The following OPLAH variants were observed in gnomAD, a reference collection of about 807,000 sequenced individuals.
OPLAH encodes the protein 5-oxoprolinase.
OPLAH carries 103 observed loss-of-function variants against 122.8 expected under a neutral mutation model. The ratio of observed to expected loss-of-function variants is 0.84; its 90% CI spans 0.71 to 0.99. The LOEUF (loss-of-function observed/expected upper bound fraction) is 0.99, where lower values mean the gene tolerates loss of function less well. Ranked by LOEUF, OPLAH falls within the 50% of genes least tolerant of loss-of-function variation. OPLAH has a pLI of 0.00. For synonymous variants in OPLAH, 875 were observed against 796.0 expected (o/e 1.10, Z -1.67); for missense variants, 1,902 against 1,836.5 (o/e 1.04, Z -0.65).
chr8:144,051,695 A>C, intron 26 of OPLAH, 34 bp downstream of exon 26: 6 of 1,384,374 alleles, frequency 4.3e-6, no homozygotes, highest in Non-Finnish European at 5.9e-6. Context: ...AGGGGAGGGG[A>C]GGGGAGGGGG....
intron 11 of OPLAH, 44 bp from the exon 12 acceptor site, chr8:144,057,162 C>A: frequency 6.3e-7 from 1 of 1,597,404 alleles, no homozygotes; most frequent in Non-Finnish European, 8.5e-7. Context: ...ACCTCCCAAG[C>A]CCGGCGCAGA....
Position 144,055,733 on chromosome 8 carries a change from C to A in OPLAH, c.2248+55G>T. On this transcript the variant is annotated intron_variant, in intron 16 of 26. Coordinates refer to ENST00000618853, the MANE Select transcript of OPLAH (RefSeq NM_017570.5). This position sits in a 1 kb window ranked among gnomAD's most constrained non-coding sequence, Gnocchi z 6.5. ...CCTTTGGGCACAGCCCTGCCAGCTA[C>A]CCCATGACACAGCCGGCGCCTCATC... 2.8e-6 allele frequency: 4 copies of A among 1,441,512 alleles called. No homozygotes were observed. Among genetic ancestry groups the A allele is most frequent in the South Asian group, 1.5e-5 (1 of 67,948 alleles). 89.3% of individuals were successfully genotyped at this position (1,441,512 alleles called of 1,614,324 possible).
Position 144,056,935 on chromosome 8 carries a change from C to A in OPLAH, c.1706+13G>T. 6.4e-7 allele frequency: 1 copy of A among 1,563,250 alleles called. No homozygotes were observed. The highest frequency in any genetic ancestry group is 8.6e-7 in the Non-Finnish European group (1 of 1,157,756). ...AACGTAAGCCCTCTGTCCAGGGCACCCTGGGAGCCCACCTGGGGAAGCCCT... is the reference window on the plus strand; with the variant it reads ...AACGTAAGCCCTCTGTCCAGGGCACACTGGGAGCCCACCTGGGGAAGCCCT... On this transcript the variant is annotated intron_variant, in intron 12 of 26. Transcript: ENST00000618853.
upstream of OPLAH, among the ~76,000 whole-genome samples, chr8:144,061,150 C>T (rs1379142105): frequency 6.6e-6 from 1 of 152,228 alleles, no homozygotes; most frequent in African/African-American, 2.4e-5. Context: ...CATCTCCAGC[C>T]CTCCTTGTGC....
chr8:144,058,396 C>T lies in OPLAH; in HGVS notation c.792G>A (p.Gln264=). 3 of 1,589,566 alleles carry T rather than the reference C, an allele frequency of 1.9e-6. No homozygotes were observed. Among genetic ancestry groups the T allele is most frequent in the African/African-American group, 2.7e-5 (2 of 74,690 alleles). ...RGFQGQLKDV[Q]VLFMRSDGGL... Reference sequence around the variant, plus strand: ...CGCCATCGGAGCGCATGAACAACACCTGCACATCCTGCGAGCGGGCAGCAG... The same window carrying T: ...CGCCATCGGAGCGCATGAACAACACTTGCACATCCTGCGAGCGGGCAGCAG... Residue 264 remains glutamine, a synonymous_variant, in exon 7 of 27, where the codon CAG becomes CAA. Transcript: ENST00000618853.
downstream of OPLAH, chr8:144,050,984 C>G: frequency 9.3e-7 from 1 of 1,080,378 alleles, no homozygotes; most frequent in Non-Finnish European, 1.1e-6. Context: ...ACCTGGCCGG[C>G]CTTCCCGGCA....
chr8:144,061,643 C>G (rs147989649), upstream of OPLAH, among the ~76,000 whole-genome samples: 1,056 of 152,366 alleles, frequency 6.9e-3, 9 homozygotes, highest in Non-Finnish European at 0.012. Flanking sequence ...GCCACAGCAA[C>G]GGCACGAAGT....
In OPLAH at chr8:144,055,121, A is replaced by G; in HGVS notation, c.2317T>C (p.Cys773Arg). The G allele has an allele frequency of 6.3e-7, 1 of 1,589,206 alleles. No homozygotes were observed. Among genetic ancestry groups the G allele is most frequent in the Non-Finnish European group, 8.6e-7 (1 of 1,167,954 alleles). Residue 773 changes from cysteine (C) to arginine (R), a missense_variant, in exon 17 of 27, where the codon TGT (cysteine) becomes CGT (arginine). By Grantham distance (180) the Cys-to-Arg change is radical (BLOSUM62 -3). Around this residue, in one of 3 missense-constraint regions of OPLAH, gnomAD observed 1,726 missense variants for 1,642.1 expected, o/e 1.05. Coordinates refer to ENST00000618853, the MANE Select transcript of OPLAH (RefSeq NM_017570.5). The surrounding 1 kb of genome is among the most constrained non-coding windows in gnomAD (Gnocchi z 6.5). ...TNIKERLDFS[C>R]ALFGPDGGLV... ...CCCCCATCGGGCCCAAAGAGGGCAC[A>G]GGAGAAGTCCAGACGCTCCTTGATG...
In OPLAH at chr8:144,056,366, C is replaced by T. The variant is rs2129798894; in HGVS notation, c.1983+19G>A. 1.3e-6 allele frequency: 2 copies of T among 1,597,946 alleles called. No homozygotes were observed. Among genetic ancestry groups the T allele is most frequent in the Admixed American group, 1.7e-5 (1 of 58,680 alleles). On this transcript the variant is annotated intron_variant, in intron 14 of 26. Coordinates refer to ENST00000618853, the MANE Select transcript of OPLAH (RefSeq NM_017570.5). ...TGCCCCATGGGTGCTGTCAGGCTGG[C>T]ACAGGCAGGACCACCAACCTTGTCC...
At chr8:144,051,870 T>TGGGGGC (rs1554757736) in intron 25 of OPLAH, 44 bp from the exon 26 acceptor site, 17 of 114,386 alleles carry the variant, frequency 1.5e-4, no homozygotes, top group South Asian at 2.0e-4. Flanking sequence ...GGGGCGGGGG[T>TGGGGGC]GGGGGCGGGG....
upstream of OPLAH, among the ~76,000 whole-genome samples, chr8:144,062,972 C>A (rs1554761141): frequency 6.6e-6 from 1 of 152,022 alleles, no homozygotes; most frequent in African/African-American, 2.4e-5. Context: ...CCAACCCCCA[C>A]CCACCCAGGC....
rs782391729 is a variant in OPLAH at position 144,058,676 on chromosome 8, C to T, written c.603G>A (p.Glu201=). Residue 201 remains glutamate, a synonymous_variant, in exon 6 of 27, where the codon GAG becomes GAA. Coordinates refer to ENST00000618853, the MANE Select transcript of OPLAH (RefSeq NM_017570.5). ...CCCGGGCCAGCACACCCACCTGCTG[C>T]TCATGCTGGGCCCACCTATGACAAA... is the stretch of plus-strand genomic sequence containing the variant. ...LMHSYTWAQH[E]QQVGVLAREL... The T allele has an allele frequency of 6.3e-7, 1 of 1,591,296 alleles. No homozygotes were observed. Among genetic ancestry groups the T allele is most frequent in the Admixed American group, 1.7e-5 (1 of 58,562 alleles).
In OPLAH at chr8:144,058,590, G is replaced by T. The variant is rs782395404; in HGVS notation, c.689C>A (p.Pro230His). ...SEAMPMVRIV[P>H]RGHTACADAY... is the part of the protein sequence containing the mutation. The stretch of plus-strand genomic sequence containing the variant: ...GTCGGCACAGGCCGTGTGCCCCCGA[G>T]GGACGATGCGCACCATGGGCATGGC... Residue 230 changes from proline to histidine, a missense_variant, in exon 6 of 27, where the codon CCT (proline) becomes CAT (histidine). Physicochemically the swap from Pro to His is moderately conservative, Grantham distance 77. Transcript: ENST00000618853. 1.9e-6 allele frequency: 3 copies of T among 1,602,924 alleles called. No individual in the cohort carries two copies. In the East Asian group the frequency reaches 6.7e-5, roughly 36 times the overall value.
Position 144,057,582 on chromosome 8 carries a change from C to T in OPLAH, c.1288G>A (p.Val430Met), listed in dbSNP as rs557374642. Residue 430 changes from valine to methionine, a missense_variant, in exon 10 of 27, where the codon GTG becomes ATG. Val to Met is a conservative substitution (Grantham distance 21, BLOSUM62 1). Around this residue, in one of 3 missense-constraint regions of OPLAH, gnomAD observed 1,726 missense variants for 1,642.1 expected, o/e 1.05. Transcript: ENST00000618853. The stretch of plus-strand genomic sequence containing the variant: ...AGGAAGCTGTTGACCTCAGTGGCCA[C>T]AGCCTCCAGGGCTTTGCGGGAGGCC... ...PEASRKALEAVATEVNSFLTN... is the reference protein window; with the variant it reads ...PEASRKALEAMATEVNSFLTN... The T allele has an allele frequency of 1.1e-5, 18 of 1,582,960 alleles. No individual in the cohort carries two copies. The African/African-American group carries it at 2.0e-4, about 18-fold the overall frequency.
In OPLAH at chr8:144,051,961, A is replaced by C; in HGVS notation, c.3577T>G (p.Ser1193Ala). Reference protein sequence around the residue: ...ELLFREEALLSVLTERRAFRP... With the variant: ...ELLFREEALLAVLTERRAFRP... ...AAGGCGCGGCGCTCGGTCAGCACTGACAGCAGCGCCTCCTCACGAAAGAGC... is the reference window on the plus strand; with the variant it reads ...AAGGCGCGGCGCTCGGTCAGCACTGCCAGCAGCGCCTCCTCACGAAAGAGC... The change falls in exon 25 of 27, where the codon TCA becomes GCA. Residue 1193 changes from serine (S) to alanine (A), a missense_variant. Ser to Ala is a moderately conservative substitution (Grantham distance 99). This residue lies in a region of OPLAH where 1,726 missense variants were observed against 1,642.1 expected (regional missense o/e 1.05). Transcript: ENST00000618853. 1 of 1,567,888 alleles carries C rather than the reference A, an allele frequency of 6.4e-7. No individual in the cohort carries two copies. The highest frequency in any genetic ancestry group is 8.6e-7 in the Non-Finnish European group (1 of 1,165,624).
Position 144,052,471 on chromosome 8 carries a change from A to G in OPLAH, c.3281T>C (p.Phe1094Ser), listed in dbSNP as rs773766881. ...QRVVDVILGA[F>S]GACAASQGCM... ...CACCTGGGAGGCGGCGCAGGCCCCA[A>G]AGGCCCCCAGGATGACATCCACCAC... Residue 1094 changes from phenylalanine (F) to serine (S), a missense_variant, in exon 23 of 27, where the codon TTT becomes TCT. Physicochemically the swap from Phe to Ser is radical, Grantham distance 155. Coordinates refer to ENST00000618853, the MANE Select transcript of OPLAH (RefSeq NM_017570.5). 3 of 1,548,734 alleles carry G rather than the reference A, an allele frequency of 1.9e-6. No individual in the cohort carries two copies. Among genetic ancestry groups the G allele is most frequent in the Non-Finnish European group, 2.6e-6 (3 of 1,153,258 alleles).
rs1554759120 is a variant in OPLAH, at chr8:144,056,442, A to G, written c.1926T>C (p.Ser642=). Reference sequence around the variant, plus strand: ...TGGGGGCATCCTCGAGGCGAAGACCACTGCGGCCGGTGCCCCGCACTCGCA... The same window carrying G: ...TGGGGGCATCCTCGAGGCGAAGACCGCTGCGGCCGGTGCCCCGCACTCGCA... ...DDVRVRGTGR[S]GLRLEDAPKA... Residue 642 remains serine (S), a synonymous_variant, in exon 14 of 27, where the codon AGT becomes AGC. Coordinates refer to ENST00000618853, the MANE Select transcript of OPLAH (RefSeq NM_017570.5). 1.2e-6 allele frequency: 2 copies of G among 1,610,320 alleles called. No individual in the cohort carries two copies. The highest frequency in any genetic ancestry group is 1.7e-6 in the Non-Finnish European group (2 of 1,178,986).
rs868943772 is a variant in OPLAH, at chr8:144,057,148, G to A, written c.1536-30C>T. 12 of 1,594,740 alleles carry A rather than the reference G, an allele frequency of 7.5e-6. 2 individuals are homozygous for A. The South Asian group carries it at 1.4e-4, about 18-fold the overall frequency. ...AGGGATGGGCAGCATGGCAATGGGAGGTCACCTCCCAAGCCCGGCGCAGAT... is the reference window on the plus strand; with the variant it reads ...AGGGATGGGCAGCATGGCAATGGGAAGTCACCTCCCAAGCCCGGCGCAGAT... On this transcript the variant is annotated intron_variant, in intron 11 of 26. Coordinates refer to ENST00000618853, the MANE Select transcript of OPLAH (RefSeq NM_017570.5).
At chr8:144,052,636 G>T in intron 22 of OPLAH, 38 bp from the exon 23 acceptor site, 3 of 1,562,806 alleles carry the variant, frequency 1.9e-6, no homozygotes, top group South Asian at 2.3e-5. Context: ...CTCTTGGGGT[G>T]GGCTCCGGGA....
Sources: allele counts gnomAD v4.1 joint callset (sites outside exome capture counted in the v4.1 genomes callset), GRCh38; gene constraint gnomAD v4.1.1; regional missense constraint gnomAD v4.1.1; non-coding constraint Gnocchi (gnomAD v3.1); transcripts MANE v1.5; gene names NCBI Gene and HGNC (gene_info 2026-07-23, HGNC 2026-07-21).